The following MAP3K12 variants were observed in gnomAD, a reference collection of about 807,000 sequenced individuals.
MAP3K12 encodes the protein mitogen-activated protein kinase kinase kinase 12, also known as MAPK-upstream kinase.
MAP3K12 carries 14 observed loss-of-function variants against 87.5 expected under a neutral mutation model. That is an observed-to-expected ratio of 0.16 (90% confidence interval 0.11 to 0.25). The LOEUF (loss-of-function observed/expected upper bound fraction) is 0.25. Among genes scored for constraint, MAP3K12 ranks in the 10% least tolerant of loss-of-function variants. MAP3K12 has a pLI of 1.00. For missense variants in MAP3K12, 802 were observed against 1,140.4 expected, an observed-to-expected ratio of 0.70 and a Z score of 4.27; for synonymous variants, 469 against 452.5, an observed-to-expected ratio of 1.04 and a Z score of -0.46.
Position 53,495,473 on chromosome 12 carries a change from A to G in MAP3K12, c.-38+3954T>C, listed in dbSNP as rs1033437166. On this transcript the variant is annotated intron_variant, in intron 1 of 13. Transcript: ENST00000547488. Reference sequence around the variant, plus strand: ...AAAATACAAAAAATTTGCCAGGCGTAGTGGTGGGCGCACCTGTAGTCCGCC... The same window carrying G: ...AAAATACAAAAAATTTGCCAGGCGTGGTGGTGGGCGCACCTGTAGTCCGCC... Among the ~76,000 whole-genome samples the G allele has an allele frequency of 5.9e-5, 8 of 134,842 alleles. No individual in the cohort carries two copies. In the Admixed American group the frequency reaches 6.7e-4, roughly 11 times the overall value. 88.5% of individuals were successfully genotyped at this position (134,842 alleles called of 152,430 possible).
chr12:53,484,169 C>T (rs1466577170), intron 7 of MAP3K12, 88 bp downstream of exon 7: 3 of 1,399,632 alleles, frequency 2.1e-6, no homozygotes, highest in Non-Finnish European at 3.0e-6. Flanking sequence ...TTCAGTCCCA[C>T]TCAACCCATT....
intron 1 of MAP3K12, among the ~76,000 whole-genome samples, chr12:53,499,119 T>C (rs1435514203): frequency 2.6e-5 from 4 of 151,774 alleles, no homozygotes; most frequent in Non-Finnish European, 4.4e-5. Flanking sequence ...AGATGTTCTC[T>C]TGCCCTCTGT....
intron 6 of MAP3K12, chr12:53,484,624 C>A: frequency 2.0e-6 from 1 of 488,200 alleles, no homozygotes; most frequent in South Asian, 2.5e-5. Flanking sequence ...TGAATAACTT[C>A]ATTGAAGGAA....
chr12:53,499,460 G>A (rs1391366914), upstream of MAP3K12: 1 of 149,956 alleles, frequency 6.7e-6, no homozygotes, highest in Admixed American at 6.6e-5. Context: ...ACAAAAGGCG[G>A]CGCTGCTGCA....
intron 1 of MAP3K12, among the ~76,000 whole-genome samples, chr12:53,495,539 C>T (rs1457380797): frequency 2.4e-5 from 1 of 41,652 alleles, no homozygotes; most frequent in Non-Finnish European, 5.0e-5. Context: ...GAGACTCCAT[C>T]TCAAAAAAAA....
rs988396443 is a variant in MAP3K12 at position 53,481,936 on chromosome 12, C to G, written c.2580+5G>C. On this transcript the variant is annotated splice_donor_5th_base_variant and intron_variant, in intron 13 of 13. Transcript: ENST00000547488. Reference sequence around the variant, plus strand: ...ATATCTGCTTTTTGCTGTTGTGCCACTCACCCGCTCTCTGAGAAGTTCCTG... The same window carrying G: ...ATATCTGCTTTTTGCTGTTGTGCCAGTCACCCGCTCTCTGAGAAGTTCCTG... The G allele has an allele frequency of 7.5e-6, 12 of 1,609,540 alleles. No individual in the cohort carries two copies. Among genetic ancestry groups the G allele is most frequent in the Non-Finnish European group, 1.0e-5 (12 of 1,176,464 alleles).
rs925794659 is a variant in MAP3K12, at chr12:53,483,060, G to C, written c.1743C>G (p.Arg581=). Residue 581 remains arginine (R), a synonymous_variant, in exon 11 of 14, where the codon CGC becomes CGG. Transcript: ENST00000547488. ...CACAGCTCCCCTTGGCGCTGGCCTTGCGGTGACGGGTCTTGCCACGGCGAC... is the reference window on the plus strand; with the variant it reads ...CACAGCTCCCCTTGGCGCTGGCCTTCCGGTGACGGGTCTTGCCACGGCGAC... ...GRSRRGKTRH[R]KASAKGSCGD... The C allele has an allele frequency of 6.5e-6, 10 of 1,544,410 alleles. No homozygotes were observed. The African/African-American group carries it at 1.4e-4, about 21-fold the overall frequency.
chr12:53,481,388 C>G (rs1943037143), intron 13 of MAP3K12, 108 bp from the exon 14 acceptor site: 5 of 468,450 alleles, frequency 1.1e-5, no homozygotes, highest in South Asian at 9.1e-5. Context: ...GTCTCACTCT[C>G]GCCCAGGCTG....
intron 1 of MAP3K12, among the ~76,000 whole-genome samples, chr12:53,496,723 A>G (rs1943556284): frequency 6.6e-6 from 1 of 152,266 alleles, no homozygotes; most frequent in South Asian, 2.1e-4. Flanking sequence ...TTCAGTAACA[A>G]CTTTGAATTG....
chr12:53,481,359 ATT>A (rs962484475), intron 13 of MAP3K12, 79 bp from the exon 14 acceptor site: 1 of 752,292 alleles, frequency 1.3e-6, no homozygotes, highest in African/African-American at 1.9e-5. Context: ...TGGCTTACTG[ATT>A]TGTTTTTTAA....
chr12:53,483,131 C>T lies in MAP3K12; in HGVS notation c.1672G>A (p.Val558Met), dbSNP rs1052023976. The part of the protein sequence containing the change: ...LPKLDAALSG[V>M]GLPGCPKGPP... ...CCCTTAGGACACCCAGGAAGCCCCA[C>T]CCCACTCAGGGCTGCATCTAGTTTA... Residue 558 changes from valine (V) to methionine (M), a missense_variant, in exon 11 of 14, where the codon GTG (valine) becomes ATG (methionine). Around this residue, in one of 5 missense-constraint regions of MAP3K12, gnomAD observed 490 missense variants for 496.6 expected, o/e 0.99. Transcript: ENST00000547488. The T allele has an allele frequency of 2.0e-6, 3 of 1,520,844 alleles. No individual in the cohort carries two copies. Among genetic ancestry groups the T allele is most frequent in the Admixed American group, 4.5e-5 (2 of 44,354 alleles). 94.2% of individuals were successfully genotyped at this position (1,520,844 alleles called of 1,614,324 possible).
intron 9 of MAP3K12, 28 bp from the exon 10 acceptor site, chr12:53,483,514 G>A (rs1273892137): frequency 6.2e-6 from 10 of 1,613,916 alleles, no homozygotes; most frequent in Non-Finnish European, 8.5e-7. Flanking sequence ...TTCTCAGCTG[G>A]GCAAATGACC....
chr12:53,482,777 G>T lies in MAP3K12; in HGVS notation c.2026C>A (p.Pro676Thr). The T allele has an allele frequency of 6.2e-7, 1 of 1,613,594 alleles. No homozygotes were observed. Among genetic ancestry groups the T allele is most frequent in the South Asian group, 1.1e-5 (1 of 91,070 alleles). ...GSPPPARGDT[P>T]PSEGSAPGST... Reference sequence around the variant, plus strand: ...CCAGGGGCTGAGCCCTCACTTGGTGGGGTGTCACCCCGGGCCGGAGGTGGT... The same window carrying T: ...CCAGGGGCTGAGCCCTCACTTGGTGTGGTGTCACCCCGGGCCGGAGGTGGT... Residue 676 changes from proline (P) to threonine (T), a missense_variant, in exon 11 of 14, where the codon CCA becomes ACA. Transcript: ENST00000547488.
At chr12:53,494,740 G>T (rs1053716885) in intron 1 of MAP3K12, among the ~76,000 whole-genome samples, 4 of 152,054 alleles carry the variant, frequency 2.6e-5, no homozygotes, top group African/African-American at 7.2e-5. Flanking sequence ...TCTCGTGAGT[G>T]GGGGTAGGAA....
rs1439118340 is a variant in MAP3K12 at position 53,495,375 on chromosome 12, C to T, written c.-38+4052G>A. ...AAAAAAAAAAAAAAAAAAGGCCAGG[C>T]GCAGTTGCTCACGCCTGTAATCCCA... On this transcript the variant is annotated intron_variant, in intron 1 of 13. Transcript: ENST00000547488. Among the ~76,000 whole-genome samples the T allele has an allele frequency of 1.3e-4, 17 of 133,742 alleles. No individual in the cohort carries two copies. In the East Asian group the frequency reaches 2.3e-3, roughly 18 times the overall value. 87.7% of individuals were successfully genotyped at this position (133,742 alleles called of 152,430 possible).
At position 53,487,301 on chromosome 12, in the gene MAP3K12, G is replaced by A. The variant is rs1189687075; in HGVS notation, c.91C>T (p.Pro31Ser). 1.2e-6 allele frequency: 2 copies of A among 1,614,058 alleles called. No individual in the cohort carries two copies. The highest frequency in any genetic ancestry group is 1.7e-6 in the Non-Finnish European group (2 of 1,180,020). Residue 31 changes from proline to serine, a missense_variant, in exon 2 of 14, where the codon CCA becomes TCA. Pro to Ser is a moderately conservative substitution (Grantham distance 74). Coordinates refer to ENST00000547488, the MANE Select transcript of MAP3K12 (RefSeq NM_001193511.2). ...TCGGGAGTGCAGTCAGAAGTGTCTG[G>A]GTCCAGCTTGCGCATGGATGCCTCA... ...LSEASMRKLD[P>S]DTSDCTPEKD...
At position 53,483,189 on chromosome 12, in the gene MAP3K12, C is replaced by T. The variant is rs1234516802; in HGVS notation, c.1614G>A (p.Arg538=). The T allele has an allele frequency of 6.6e-7, 1 of 1,525,790 alleles. No individual in the cohort carries two copies. Among genetic ancestry groups the T allele is most frequent in the East Asian group, 2.3e-5 (1 of 44,212 alleles). 94.5% of individuals were successfully genotyped at this position (1,525,790 alleles called of 1,614,324 possible). ...AAGACTCCGTCTTGAGGATATCTGG[C>T]CTGGAAGAAGAGGAAAAGTAAAAGG... ...VPQKLSPHSK[R]PDILKTESLL... Residue 538 remains arginine (R), a splice_region_variant and synonymous_variant, in exon 11 of 14, where the codon AGG becomes AGA. Coordinates refer to ENST00000547488, the MANE Select transcript of MAP3K12 (RefSeq NM_001193511.2).
At position 53,482,215 on chromosome 12, in the gene MAP3K12, C is replaced by T; in HGVS notation, c.2310-4G>A. ...CATGTTCAGGCTCTGAGGCCACCTA[C>T]ATGTTGAAGAGGGGGATTACAGCTT... On this transcript the variant is annotated splice_polypyrimidine_tract_variant and splice_region_variant and intron_variant, in intron 12 of 13. Transcript: ENST00000547488. 6.2e-7 allele frequency: 1 copy of T among 1,614,144 alleles called. No individual in the cohort carries two copies. Among genetic ancestry groups the T allele is most frequent in the Non-Finnish European group, 8.5e-7 (1 of 1,179,990 alleles).
chr12:53,487,685 C>A, intron 1 of MAP3K12: 1 of 383,418 alleles, frequency 2.6e-6, no homozygotes, highest in Non-Finnish European at 4.7e-6. Flanking sequence ...GAGTATCATT[C>A]TCAGGTAACA....
Sources: allele counts gnomAD v4.1 joint callset (sites outside exome capture counted in the v4.1 genomes callset), GRCh38; gene constraint gnomAD v4.1.1; regional missense constraint gnomAD v4.1.1; transcripts MANE v1.5; gene names NCBI Gene and HGNC (gene_info 2026-07-23, HGNC 2026-07-21).